Variants in GPR158 observed in about 807,000 individuals in gnomAD.
GPR158 encodes the protein metabotropic glycine receptor.
Under a neutral mutation model 78.2 loss-of-function variants are expected in GPR158, and 30 were observed. The ratio of observed to expected loss-of-function variants is 0.38; its 90% CI spans 0.29 to 0.52. The LOEUF is 0.52. Ranked by LOEUF, GPR158 falls within the 20% of genes least tolerant of loss-of-function variation. The pLI is 0.83. For synonymous variants in GPR158, 581 were observed against 591.1 expected (o/e 0.98, Z 0.25); for missense variants, 1,463 against 1,523.5 (o/e 0.96, Z 0.66).
chr10:25,222,903 T>C (rs1164045792), intron 2 of GPR158, among the ~76,000 whole-genome samples: 2 of 152,198 alleles, frequency 1.3e-5, no homozygotes, highest in African/African-American at 2.4e-5. Context: ...TGCTTGCTTC[T>C]AATAATCATG....
intron 2 of GPR158, among the ~76,000 whole-genome samples, chr10:25,352,916 G>T (rs559632373): frequency 1.4e-4 from 21 of 151,980 alleles, no homozygotes; most frequent in African/African-American, 5.1e-4. Context: ...TTAAATATAT[G>T]CTCAGAAAAA....
chr10:25,301,199 T>C (rs1335855805), intron 2 of GPR158, among the ~76,000 whole-genome samples: 1 of 152,224 alleles, frequency 6.6e-6, no homozygotes, highest in Admixed American at 6.5e-5. Context: ...GAAGAATTGT[T>C]CAGAAATAGT....
At chr10:25,186,967 T>A (rs1230728621) in intron 1 of GPR158, among the ~76,000 whole-genome samples, 1 of 142,696 alleles carries the variant, frequency 7.0e-6, no homozygotes, top group East Asian at 2.0e-4. Context: ...CTCATTTTTT[T>A]TTTTTTTTTT....
chr10:25,278,248 A>G (rs900756907), intron 2 of GPR158, among the ~76,000 whole-genome samples: 1 of 152,198 alleles, frequency 6.6e-6, no homozygotes, highest in South Asian at 2.1e-4. Context: ...CAAATATGCC[A>G]TGCAGATTTA....
rs918587447 is a variant in GPR158 at position 25,275,494 on chromosome 10, G to A, written c.1008+54337G>A. Among the ~76,000 whole-genome samples, 6 of 152,076 alleles carry A rather than the reference G, an allele frequency of 3.9e-5. No individual in the cohort carries two copies. In the South Asian group the frequency reaches 8.3e-4, roughly 21 times the overall value. ...AGAAGAAATAAATTACTTTCCTATC[G>A]GTAACAACCTTTTCCAACACCCTTC... On this transcript the variant is annotated intron_variant, in intron 2 of 10. Transcript: ENST00000376351.
At chr10:25,560,979 CT>C (rs35432930) in intron 6 of GPR158, among the ~76,000 whole-genome samples, 1 of 151,978 alleles carries the variant, frequency 6.6e-6, no homozygotes. Context: ...AGAGAAAAGG[CT>C]TTTTTAGACC....
At chr10:25,274,225 A>G (rs1239809555) in intron 2 of GPR158, among the ~76,000 whole-genome samples, 1 of 152,042 alleles carries the variant, frequency 6.6e-6, no homozygotes, top group Non-Finnish European at 1.5e-5. Context: ...GGTGATATTC[A>G]TTTTCCTCCT....
intron 2 of GPR158, among the ~76,000 whole-genome samples, chr10:25,323,390 A>G (rs893378676): frequency 1.3e-5 from 2 of 152,146 alleles, no homozygotes; most frequent in African/African-American, 2.4e-5. Context: ...TGCCCTTGGA[A>G]ACTTTGAAGC....
intron 5 of GPR158, among the ~76,000 whole-genome samples, chr10:25,540,917 T>C (rs1318011484): frequency 6.7e-6 from 1 of 148,626 alleles, no homozygotes; most frequent in African/African-American, 2.5e-5. Context: ...ATTGTGTACA[T>C]GTACCCTAGA....
intron 5 of GPR158, among the ~76,000 whole-genome samples, chr10:25,534,918 A>G (rs574588804): frequency 6.6e-6 from 1 of 152,330 alleles, no homozygotes; most frequent in South Asian, 2.1e-4. Context: ...ATGTGTAGTC[A>G]TTTCTCAGCA....
chr10:25,337,611 TTTGA>T (rs1183233072), intron 2 of GPR158, among the ~76,000 whole-genome samples: 1 of 152,098 alleles, frequency 6.6e-6, no homozygotes, highest in Admixed American at 6.6e-5. Context: ...GATACATGTC[TTTGA>T]TTGTATACAT....
At chr10:25,483,604 A>C (rs192493756) in intron 5 of GPR158, among the ~76,000 whole-genome samples, 28 of 152,082 alleles carry the variant, frequency 1.8e-4, no homozygotes, top group Non-Finnish European at 4.0e-4. Flanking sequence ...CTCACCCGAG[A>C]ATTTAAATTC....
chr10:25,421,596 A>C (rs1405630474), intron 4 of GPR158, among the ~76,000 whole-genome samples: 1 of 152,188 alleles, frequency 6.6e-6, no homozygotes, highest in African/African-American at 2.4e-5. Context: ...GAGGTTTATA[A>C]TGGATGATAC....
chr10:25,399,283 G>A (rs1415504847), intron 3 of GPR158, among the ~76,000 whole-genome samples: 1 of 152,138 alleles, frequency 6.6e-6, no homozygotes, highest in African/African-American at 2.4e-5. Context: ...CTTAACACTT[G>A]GGGGATTATA....
At chr10:25,344,945 A>G (rs1440187205) in intron 2 of GPR158, among the ~76,000 whole-genome samples, 3 of 151,866 alleles carry the variant, frequency 2.0e-5, no homozygotes, top group Non-Finnish European at 4.4e-5. Flanking sequence ...AAGCAAGGCA[A>G]CTCTCTGGGA....
At chr10:25,394,942 T>C (rs1437888181) in intron 2 of GPR158, among the ~76,000 whole-genome samples, 1 of 152,152 alleles carries the variant, frequency 6.6e-6, no homozygotes, top group Admixed American at 6.5e-5. Context: ...ATTCACTAGA[T>C]TCTAAGTTCC....
chr10:25,476,890 T>TG (rs1261800537), intron 5 of GPR158, among the ~76,000 whole-genome samples: 1 of 152,134 alleles, frequency 6.6e-6, no homozygotes, highest in Non-Finnish European at 1.5e-5. Flanking sequence ...GCTCAGGGTT[T>TG]GGTTCTAAGA....
At chr10:25,507,214 C>A (rs1458215240) in intron 5 of GPR158, among the ~76,000 whole-genome samples, 1 of 152,062 alleles carries the variant, frequency 6.6e-6, no homozygotes, top group Non-Finnish European at 1.5e-5. Flanking sequence ...TATGGCTGTT[C>A]CTAATTTTAA....
chr10:25,402,183 T>A (rs1183669718), intron 3 of GPR158, among the ~76,000 whole-genome samples: 1 of 152,050 alleles, frequency 6.6e-6, no homozygotes, highest in African/African-American at 2.4e-5. Context: ...AAGTTAATAA[T>A]CTGAATCTAA....
Sources: gnomAD v4.1 joint callset for allele counts (sites outside exome capture counted in the v4.1 genomes callset) on GRCh38, gnomAD v4.1.1 for gene constraint, MANE v1.5 for transcripts, NCBI Gene and HGNC (gene_info 2026-07-23, HGNC 2026-07-21) for gene names.